The following TRHDE variants were observed in gnomAD, a reference collection of about 807,000 sequenced individuals.
TRHDE encodes thyrotropin-releasing hormone-degrading ectoenzyme.
TRHDE carries 72 observed loss-of-function variants against 125.7 expected under a neutral mutation model. The observed-to-expected ratio is 0.57, with a 90% CI of 0.47 to 0.70. The LOEUF is 0.70. TRHDE is among the 30% of genes least tolerant of loss of function. The pLI is 0.00. For missense variants in TRHDE, 1,110 were observed against 1,327.1 expected, an observed-to-expected ratio of 0.84 and a Z score of 2.54; for synonymous variants, 509 against 509.1, an observed-to-expected ratio of 1.00 and a Z score of 0.00.
At chr12:72,125,545 A>T (rs1017246042) in intron 2 of TRHDE, among the ~76,000 whole-genome samples, 1 of 152,180 alleles carries the variant, frequency 6.6e-6, no homozygotes, top group African/African-American at 2.4e-5. Context: ...TCCCTCCAAC[A>T]TACACTCCTA....
At chr12:72,340,678 T>C (rs562874296) in intron 2 of TRHDE, among the ~76,000 whole-genome samples, 2 of 152,150 alleles carry the variant, frequency 1.3e-5, no homozygotes, top group East Asian at 3.9e-4. Flanking sequence ...ACCCATCTAC[T>C]CCTGCATTCC....
intron 2 of TRHDE, among the ~76,000 whole-genome samples, chr12:72,155,337 G>A (rs144674042): frequency 0.03 from 4,568 of 152,036 alleles, 120 homozygotes; most frequent in African/African-American, 0.067. Context: ...CCATGGGTTC[G>A]AACTTCCTTC....
chr12:72,255,108 TTGAC>T (rs1220519272), intron 2 of TRHDE: 1 of 152,236 alleles, frequency 6.6e-6, no homozygotes, highest in East Asian at 1.9e-4. Flanking sequence ...CCACATATTC[TTGAC>T]TATTTGCAAT....
rs367558141 is a variant in TRHDE at position 72,663,134 on chromosome 12, G to A, written c.3149G>A (p.Arg1050His). 4.2e-5 allele frequency: 67 copies of A among 1,612,908 alleles called. No homozygotes were observed. Among genetic ancestry groups the A allele is most frequent in the Middle Eastern group, 3.3e-4 (2 of 6,080 alleles). ...RAVETVEANV[R>H]WKMLYQDELF... ...GTGGAAACTGTCGAAGCCAATGTGC[G>A]CTGGAAAATGCTTTACCAAGACGAG... Residue 1050 changes from arginine to histidine, a missense_variant, in exon 19 of 19, where the codon CGC becomes CAC. This residue lies in a region of TRHDE where 527 missense variants were observed against 651.8 expected (regional missense o/e 0.81). Coordinates refer to ENST00000261180, the MANE Select transcript of TRHDE (RefSeq NM_013381.3).
At chr12:72,507,969 GT>G (rs1878427302) in intron 6 of TRHDE, among the ~76,000 whole-genome samples, 1 of 152,230 alleles carries the variant, frequency 6.6e-6, no homozygotes, top group African/African-American at 2.4e-5. Context: ...GCTTCAGAGG[GT>G]GTAAGCCATA....
chr12:72,523,618 C>T (rs1565777589), intron 6 of TRHDE, among the ~76,000 whole-genome samples: 1 of 152,064 alleles, frequency 6.6e-6, no homozygotes, highest in Non-Finnish European at 1.5e-5. Context: ...ATTTTCTTAC[C>T]TTTAACTCAG....
At chr12:72,470,177 G>A (rs1052029923) in intron 4 of TRHDE, among the ~76,000 whole-genome samples, 1 of 152,172 alleles carries the variant, frequency 6.6e-6, no homozygotes, top group African/African-American at 2.4e-5. Context: ...CCTCTTTGGA[G>A]CCCCTATCTG....
intron 2 of TRHDE, among the ~76,000 whole-genome samples, chr12:72,198,672 T>C (rs969311045): frequency 2.0e-5 from 3 of 152,200 alleles, no homozygotes; most frequent in Non-Finnish European, 4.4e-5. Flanking sequence ...AAATTCTTAA[T>C]ATCTGTGGGC....
chr12:72,248,997 A>G (rs1429452999), intron 2 of TRHDE, among the ~76,000 whole-genome samples: 1 of 152,158 alleles, frequency 6.6e-6, no homozygotes, highest in Non-Finnish European at 1.5e-5. Flanking sequence ...TAATGGAGAC[A>G]AAGGGTGTTG....
At chr12:72,616,615 T>C (rs1872825160) in intron 12 of TRHDE, among the ~76,000 whole-genome samples, 2 of 152,248 alleles carry the variant, frequency 1.3e-5, no homozygotes, top group East Asian at 3.9e-4. Flanking sequence ...GTCTATCCAA[T>C]TTTAGAGATG....
At chr12:72,482,408 G>T (rs910908261) in intron 5 of TRHDE, among the ~76,000 whole-genome samples, 1 of 151,780 alleles carries the variant, frequency 6.6e-6, no homozygotes, top group African/African-American at 2.4e-5. Context: ...AGTTTCAGAG[G>T]ATTAGCAAAA....
intron 8 of TRHDE, among the ~76,000 whole-genome samples, 156 bp from the exon 9 acceptor site, chr12:72,562,697 G>T (rs997083606): frequency 6.6e-6 from 1 of 152,024 alleles, no homozygotes; most frequent in African/African-American, 2.4e-5. Flanking sequence ...CTTAGGGCAA[G>T]AAGATTAATT....
chr12:72,359,807 A>G (rs1171065301), intron 2 of TRHDE, among the ~76,000 whole-genome samples: 1 of 151,698 alleles, frequency 6.6e-6, no homozygotes, highest in African/African-American at 2.4e-5. Flanking sequence ...CATACAAAAT[A>G]ATAAGGACAT....
intron 12 of TRHDE, among the ~76,000 whole-genome samples, chr12:72,591,272 C>T (rs1871667346): frequency 4.6e-5 from 7 of 152,128 alleles, no homozygotes; most frequent in Admixed American, 3.9e-4. Context: ...ACAACCAATC[C>T]ATATCACTGT....
intron 3 of TRHDE, among the ~76,000 whole-genome samples, chr12:72,409,900 G>A (rs888443786): frequency 6.6e-6 from 1 of 152,084 alleles, no homozygotes; most frequent in African/African-American, 2.4e-5. Flanking sequence ...TAATTCAAGT[G>A]TTTGAAGGTC....
rs186197096 is a variant in TRHDE, at chr12:72,483,100, T to C, written c.1584+9920T>C. Among the ~76,000 whole-genome samples the C allele has an allele frequency of 4.9e-3, 747 of 152,106 alleles. 8 individuals carry two copies. Among genetic ancestry groups the C allele is most frequent in the African/African-American group, 0.017 (696 of 41,550 alleles). ...ACATTGACTTGTTCTCTTTCTTCTT[T>C]CATTTAATAAACATTTACTGTATGC... is the stretch of plus-strand genomic sequence containing the variant. On this transcript the variant is annotated intron_variant, in intron 5 of 18. Coordinates refer to ENST00000261180, the MANE Select transcript of TRHDE (RefSeq NM_013381.3).
At chr12:72,237,716 C>T (rs1039092092) in intron 2 of TRHDE, among the ~76,000 whole-genome samples, 2 of 152,138 alleles carry the variant, frequency 1.3e-5, no homozygotes, top group South Asian at 2.1e-4. Flanking sequence ...TTTCCTGAGG[C>T]CTCCCTAGCC....
At position 72,273,576 on chromosome 12, in the gene TRHDE, C is replaced by T. The variant is rs764223689; in HGVS notation, c.914+19C>T. 83 of 1,559,182 alleles carry T rather than the reference C, an allele frequency of 5.3e-5. No individual in the cohort carries two copies. In the African/African-American group the frequency reaches 9.9e-4, roughly 19 times the overall value. On this transcript the variant is annotated intron_variant, in intron 1 of 18. Coordinates refer to ENST00000261180, the MANE Select transcript of TRHDE (RefSeq NM_013381.3). This position sits in a 1 kb window ranked among gnomAD's most constrained non-coding sequence, Gnocchi z 5.3. ...AGAGAAGGTATGGAGGGAGGCGGTG[C>T]CCCGCGCTGCCCCACCCCGGCGCGC...
rs1876929960 is a variant in TRHDE, at chr12:72,477,040, G to A, written c.1584+3860G>A. ...CAGGGGGATAGATTGGAAATAAGAA[G>A]CTCAGATTTCAAGGAAGGCATTTCC... On this transcript the variant is annotated intron_variant, in intron 5 of 18. Coordinates refer to ENST00000261180, the MANE Select transcript of TRHDE (RefSeq NM_013381.3). Among the ~76,000 whole-genome samples the A allele has an allele frequency of 3.3e-5, 5 of 152,196 alleles. No homozygotes were observed. In the South Asian group the frequency reaches 1.0e-3, roughly 32 times the overall value.
Sources: gnomAD v4.1 joint callset for allele counts (sites outside exome capture counted in the v4.1 genomes callset) on GRCh38, gnomAD v4.1.1 for gene constraint, gnomAD v4.1.1 regional missense constraint, Gnocchi (gnomAD v3.1) non-coding constraint, MANE v1.5 for transcripts, NCBI Gene and HGNC (gene_info 2026-07-23, HGNC 2026-07-21) for gene names.